The following C6orf58 variants were observed in gnomAD, a reference collection of about 807,000 sequenced individuals.
C6orf58 encodes chromosome 6 open reading frame 58.
In C6orf58, 30 loss-of-function variants were observed where a neutral mutation model predicts 37.0. The observed-to-expected ratio is 0.81, with a 90% CI of 0.61 to 1.10. The LOEUF (loss-of-function observed/expected upper bound fraction) is 1.10, where lower values mean the gene tolerates loss of function less well. C6orf58 is among the 50% of genes least tolerant of loss of function. The probability of loss-of-function intolerance (pLI) is 0.00; values close to 1 mark genes in which losing one functional copy is unlikely to be tolerated. For missense variants in C6orf58, 368 were observed against 387.5 expected (o/e 0.95, Z 0.42); for synonymous variants, 143 against 134.1 (o/e 1.07, Z -0.46).
Position 127,580,287 on chromosome 6 carries a change from A to G in C6orf58, c.411A>G (p.Ser137=). Residue 137 remains serine (S), a synonymous_variant, in exon 3 of 6, where the codon TCA becomes TCG. Coordinates refer to ENST00000329722, the MANE Select transcript of C6orf58 (RefSeq NM_001010905.3). ...WWADLNYFLS[S]LPFLAAVDSG... is the part of the protein sequence containing the mutation. ...CAGATTTGAATTATTTTCTGTCTTC[A>G]TTACCCTTTCTTGCTGCGGTTGATT... The G allele has an allele frequency of 3.7e-6, 6 of 1,612,184 alleles. No individual in the cohort carries two copies.
intron 4 of C6orf58, among the ~76,000 whole-genome samples, chr6:127,589,075 C>T (rs988465408): frequency 5.9e-5 from 9 of 152,100 alleles, no homozygotes; most frequent in Non-Finnish European, 1.0e-4. Flanking sequence ...ATGCAAGTAC[C>T]TTCTGTTTAA....
intron 3 of C6orf58, 91 bp from the exon 4 acceptor site, chr6:127,581,091 A>G (rs928679585): frequency 3.3e-5 from 17 of 515,440 alleles, no homozygotes; most frequent in Non-Finnish European, 4.6e-5. Context: ...TATGTACAAT[A>G]TTGCTAAAAT....
Position 127,591,651 on chromosome 6 carries a change from A to T in C6orf58, c.*29A>T. 6 of 1,460,006 alleles carry T rather than the reference A, an allele frequency of 4.1e-6. No individual in the cohort carries two copies. Among genetic ancestry groups the T allele is most frequent in the Non-Finnish European group, 5.4e-6 (6 of 1,105,852 alleles). 90.4% of individuals were successfully genotyped at this position (1,460,006 alleles called of 1,614,324 possible). A position where few individuals can be genotyped will look rare whatever the true frequency, so the allele number is the denominator to read the frequency against. Reference sequence around the variant, plus strand: ...ATTTAACTTCAAACTTCAGGAAATGATTAATGAATTAAAAATGAAAAACTC... The same window carrying T: ...ATTTAACTTCAAACTTCAGGAAATGTTTAATGAATTAAAAATGAAAAACTC... On this transcript the variant is annotated 3_prime_UTR_variant, in exon 6 of 6. Coordinates refer to ENST00000329722, the MANE Select transcript of C6orf58 (RefSeq NM_001010905.3).
intron 5 of C6orf58, among the ~76,000 whole-genome samples, chr6:127,590,647 TA>T (rs548925632): frequency 0.045 from 6,676 of 147,458 alleles, 327 homozygotes; most frequent in African/African-American, 0.13. Flanking sequence ...TCAGATCATT[TA>T]AAAAAAAAAA....
chr6:127,581,142 A>T (rs1775045441), intron 3 of C6orf58, 40 bp from the exon 4 acceptor site: 1 of 918,010 alleles, frequency 1.1e-6, no homozygotes, highest in Non-Finnish European at 1.6e-6. Flanking sequence ...AGGATTTTAT[A>T]GTTGCTCAAA....
In C6orf58 at chr6:127,590,998, C is replaced by G. The variant is rs1775156615; in HGVS notation, c.914-545C>G. 1.3e-5 allele frequency among the ~76,000 whole-genome samples: 2 copies of G among 152,014 alleles called. 1 individual carries two copies. Among genetic ancestry groups the G allele is most frequent in the South Asian group, 4.1e-4 (2 of 4,830 alleles). On this transcript the variant is annotated intron_variant, in intron 5 of 5. Transcript: ENST00000329722. ...TAAATTAAACATGAATAAATTAAAC[C>G]TATGTTTAAAAAAAACCTCTGCATC...
Position 127,590,282 on chromosome 6 carries a change from C to T in C6orf58, c.870C>T (p.Val290=). The change falls in exon 5 of 6, where the codon GTC becomes GTT. Residue 290 remains valine (V), a synonymous_variant. Transcript: ENST00000329722. ...ISDFTAFQNV[V]LVLLNMLDNV... ...ACTTTACTGCTTTTCAGAATGTAGT[C>T]CTGGTTCTTCTAAATATGCTTGACA... 1 of 1,612,466 alleles carries T rather than the reference C, an allele frequency of 6.2e-7. No homozygotes were observed. Among genetic ancestry groups the T allele is most frequent in the Middle Eastern group, 1.7e-4 (1 of 6,056 alleles).
chr6:127,581,697 G>C (rs1166805107), intron 4 of C6orf58, among the ~76,000 whole-genome samples: 1 of 152,132 alleles, frequency 6.6e-6, no homozygotes, highest in East Asian at 1.9e-4. Flanking sequence ...TCCTGAACCA[G>C]TAGAGGTTCA....
At chr6:127,586,447 T>G (rs533419261) in intron 4 of C6orf58, among the ~76,000 whole-genome samples, 1 of 151,810 alleles carries the variant, frequency 6.6e-6, no homozygotes, top group Non-Finnish European at 1.5e-5. Flanking sequence ...TCCTCCCCTG[T>G]GTAAGGTGCA....
chr6:127,583,601 A>G (rs944631837), intron 4 of C6orf58, among the ~76,000 whole-genome samples: 1 of 152,210 alleles, frequency 6.6e-6, no homozygotes, highest in East Asian at 1.9e-4. Context: ...GAGTTGAGAA[A>G]TGTGGATCCA....
chr6:127,582,213 A>G (rs973769855), intron 4 of C6orf58, among the ~76,000 whole-genome samples: 8 of 152,178 alleles, frequency 5.3e-5, no homozygotes, highest in Admixed American at 5.2e-4. Context: ...TAATGAGACC[A>G]TTTGACATAG....
chr6:127,580,085 G>A (rs1464062732), intron 2 of C6orf58, among the ~76,000 whole-genome samples, 180 bp from the exon 3 acceptor site: 3 of 151,966 alleles, frequency 2.0e-5, no homozygotes, highest in South Asian at 2.1e-4. Context: ...TAACAGAAAT[G>A]CAATCAAAGT....
chr6:127,580,369 G>T lies in C6orf58; in HGVS notation c.493G>T (p.Glu165Ter). The T allele has an allele frequency of 3.1e-6, 5 of 1,613,096 alleles. No individual in the cohort carries two copies. ...CAGGCTTTTGCCCCCACCCAAGAAT[G>T]AGAGGAAGTTTTGTTATGATGTTTC... ...QVRLLPPPKN[E>*]RKFCYDVSSC... Residue 165 changes from glutamate (E) to a stop codon, truncating the protein, a stop_gained, in exon 3 of 6, where the codon GAG (glutamate) becomes TAG (stop). Coordinates refer to ENST00000329722, the MANE Select transcript of C6orf58 (RefSeq NM_001010905.3). LOFTEE classifies it high-confidence loss of function.
intron 4 of C6orf58, among the ~76,000 whole-genome samples, chr6:127,585,266 G>T (rs1775095496): frequency 6.6e-6 from 1 of 152,102 alleles, no homozygotes; most frequent in Admixed American, 6.5e-5. Context: ...AGGCCCATCT[G>T]CAAAGCCCCA....
At chr6:127,590,871 T>G (rs1252033933) in intron 5 of C6orf58, among the ~76,000 whole-genome samples, 2 of 152,118 alleles carry the variant, frequency 1.3e-5, no homozygotes, top group South Asian at 4.1e-4. Flanking sequence ...AGTTTGAAAG[T>G]GACTATATCA....
At chr6:127,591,203 A>T (rs1775158859) in intron 5 of C6orf58, among the ~76,000 whole-genome samples, 1 of 152,140 alleles carries the variant, frequency 6.6e-6, no homozygotes, top group African/African-American at 2.4e-5. Flanking sequence ...AAATGAGTTG[A>T]TCCAATTTAT....
At chr6:127,584,199 G>T (rs1474102862) in intron 4 of C6orf58, among the ~76,000 whole-genome samples, 1 of 152,182 alleles carries the variant, frequency 6.6e-6, no homozygotes, top group Non-Finnish European at 1.5e-5. Context: ...AATATGCACT[G>T]AAGGTGGCAA....
At chr6:127,591,370 T>C (rs887446618) in intron 5 of C6orf58, among the ~76,000 whole-genome samples, 173 bp from the exon 6 acceptor site, 27 of 152,186 alleles carry the variant, frequency 1.8e-4, no homozygotes, top group African/African-American at 6.0e-4. Flanking sequence ...CCAAATGGTA[T>C]TGCCAATAAT....
intron 4 of C6orf58, among the ~76,000 whole-genome samples, chr6:127,589,171 C>T (rs929934841): frequency 3.9e-5 from 6 of 152,024 alleles, no homozygotes; most frequent in African/African-American, 1.2e-4. Context: ...AGAAAAAAAT[C>T]CTTCAAATAT....
Sources: gnomAD v4.1 joint callset for allele counts (sites outside exome capture counted in the v4.1 genomes callset) on GRCh38, gnomAD v4.1.1 for gene constraint, MANE v1.5 for transcripts, NCBI Gene and HGNC (gene_info 2026-07-23, HGNC 2026-07-21) for gene names.